AP3S1: variants seen among roughly 807,000 people sequenced by gnomAD.
AP3S1 encodes adaptor related protein complex 3 subunit sigma 1.
A neutral mutation model predicts 21.3 loss-of-function variants in AP3S1; 12 were observed. The ratio of observed to expected loss-of-function variants is 0.56; its 90% confidence interval spans 0.36 to 0.91. The LOEUF (loss-of-function observed/expected upper bound fraction) is 0.91, where lower values mean the gene tolerates loss of function less well. Among genes scored for constraint, AP3S1 ranks in the 40% least tolerant of loss-of-function variants. The pLI is 0.01. For synonymous variants in AP3S1, 48 were observed against 78.4 expected (o/e 0.61, Z 2.05); for missense variants, 116 against 225.0 (o/e 0.52, Z 3.10).
chr5:115,878,324 A>G (rs1748917991), intron 3 of AP3S1, among the ~76,000 whole-genome samples: 1 of 152,150 alleles, frequency 6.6e-6, no homozygotes, highest in Admixed American at 6.5e-5. Context: ...TAGGGTTTTT[A>G]TGGTTTTGGG....
intron 1 of AP3S1, among the ~76,000 whole-genome samples, chr5:115,858,938 A>T (rs939113809): frequency 1.1e-4 from 17 of 150,308 alleles, no homozygotes; most frequent in African/African-American, 3.7e-4. Context: ...AAATTTATTT[A>T]TTTTTTATTT....
rs2112609631 is a variant in AP3S1 at position 115,914,034 on chromosome 5, A to G, written c.*544A>G. On this transcript the variant is annotated 3_prime_UTR_variant, in exon 6 of 6. Coordinates refer to ENST00000316788, the MANE Select transcript of AP3S1 (RefSeq NM_001284.4). ...TACTTTAGCAATAATTTTTTTTACAACCCTCTGACTCAACAAAGTAAATAA... is the reference window on the plus strand; with the variant it reads ...TACTTTAGCAATAATTTTTTTTACAGCCCTCTGACTCAACAAAGTAAATAA... 1 of 115,868 alleles carries G rather than the reference A, an allele frequency of 8.6e-6. No homozygotes were observed. Among genetic ancestry groups the G allele is most frequent in the Admixed American group, 8.2e-5 (1 of 12,128 alleles). 7.2% of individuals were successfully genotyped at this position (115,868 alleles called of 1,614,324 possible). A position where few individuals can be genotyped will look rare whatever the true frequency, so the allele number is the denominator to read the frequency against.
chr5:115,859,667 T>A (rs1233206192), intron 1 of AP3S1, among the ~76,000 whole-genome samples: 1 of 152,034 alleles, frequency 6.6e-6, no homozygotes, highest in Non-Finnish European at 1.5e-5. Context: ...CAAGGGAGGG[T>A]GAAATTGTGT....
intron 1 of AP3S1, among the ~76,000 whole-genome samples, chr5:115,857,368 C>T (rs1411143401): frequency 1.3e-5 from 2 of 152,134 alleles, no homozygotes; most frequent in Non-Finnish European, 2.9e-5. Context: ...ACAACACCAC[C>T]ATGAGGTAGA....
At chr5:115,885,562 C>G (rs1299758979) in intron 3 of AP3S1, among the ~76,000 whole-genome samples, 1 of 152,192 alleles carries the variant, frequency 6.6e-6, no homozygotes, top group African/African-American at 2.4e-5. Flanking sequence ...CTGCTTTGTT[C>G]TAGCCACGCT....
chr5:115,873,445 AC>A (rs1748447040), intron 3 of AP3S1, among the ~76,000 whole-genome samples: 1 of 152,060 alleles, frequency 6.6e-6, no homozygotes, highest in Non-Finnish European at 1.5e-5. Flanking sequence ...TTTTTACAAT[AC>A]CCCTGAGTTA....
chr5:115,910,806 T>G (rs1409186985), intron 5 of AP3S1, among the ~76,000 whole-genome samples: 1 of 152,214 alleles, frequency 6.6e-6, no homozygotes, highest in Non-Finnish European at 1.5e-5. Flanking sequence ...TTGCATAATA[T>G]GATTTCTTTT....
chr5:115,883,637 C>G (rs1217910469), intron 3 of AP3S1, among the ~76,000 whole-genome samples: 2 of 152,186 alleles, frequency 1.3e-5, no homozygotes, highest in Non-Finnish European at 2.9e-5. Flanking sequence ...CAGACTGGAT[C>G]TGTTCCTATT....
intron 4 of AP3S1, among the ~76,000 whole-genome samples, chr5:115,897,476 A>G (rs748111675): frequency 4.6e-5 from 7 of 152,168 alleles, no homozygotes; most frequent in Non-Finnish European, 8.8e-5. Flanking sequence ...TTCAACTTAA[A>G]AATATAGATA....
intron 1 of AP3S1, among the ~76,000 whole-genome samples, chr5:115,864,016 A>AG (rs1370057152): frequency 6.6e-6 from 1 of 152,244 alleles, no homozygotes; most frequent in Non-Finnish European, 1.5e-5. Flanking sequence ...AAAGAAAAAA[A>AG]TCTACCACAA....
At chr5:115,909,102 A>T (rs918823888) in intron 5 of AP3S1, 1 of 431,680 alleles carries the variant, frequency 2.3e-6, no homozygotes, top group Admixed American at 6.4e-5. Flanking sequence ...AAAAAAAAAG[A>T]TATTTTAAGA....
At chr5:115,863,893 G>T (rs1763396452) in intron 1 of AP3S1, among the ~76,000 whole-genome samples, 1 of 152,206 alleles carries the variant, frequency 6.6e-6, no homozygotes, top group African/African-American at 2.4e-5. Flanking sequence ...GCCAGCTGTT[G>T]CTGACCAAGA....
chr5:115,902,797 C>T, intron 4 of AP3S1, 88 bp from the exon 5 acceptor site: 3 of 896,708 alleles, frequency 3.3e-6, no homozygotes, highest in Non-Finnish European at 4.9e-6. Context: ...TTAACATAGA[C>T]AAAGTGGTAT....
At chr5:115,871,170 C>T (rs78252365) in intron 3 of AP3S1, among the ~76,000 whole-genome samples, 4,868 of 152,206 alleles carry the variant, frequency 0.032, 282 homozygotes, top group African/African-American at 0.11. Context: ...TTTTCCAGGG[C>T]TGTTTGATAT....
intron 1 of AP3S1, among the ~76,000 whole-genome samples, chr5:115,851,660 G>T (rs932593453): frequency 6.6e-6 from 1 of 151,966 alleles, no homozygotes; most frequent in Non-Finnish European, 1.5e-5. Context: ...TTAATATTCA[G>T]TTGTTTGTTT....
chr5:115,884,906 A>T (rs1469256202), intron 3 of AP3S1, among the ~76,000 whole-genome samples: 1 of 152,202 alleles, frequency 6.6e-6, no homozygotes, highest in Admixed American at 6.5e-5. Flanking sequence ...TAACACACTG[A>T]TAGGAACACT....
At chr5:115,842,385 T>G in intron 1 of AP3S1, 10 of 334,732 alleles carry the variant, frequency 3.0e-5, no homozygotes, top group Admixed American at 5.2e-5. Context: ...CCCTGGAGAC[T>G]TCCCGGGGCC....
chr5:115,857,835 T>G (rs1193844199), intron 1 of AP3S1, among the ~76,000 whole-genome samples: 1 of 152,242 alleles, frequency 6.6e-6, no homozygotes, highest in Admixed American at 6.5e-5. Context: ...ATGTTTACGT[T>G]AATTTATTAT....
At chr5:115,878,747 G>A (rs546263796) in intron 3 of AP3S1, among the ~76,000 whole-genome samples, 1 of 152,282 alleles carries the variant, frequency 6.6e-6, no homozygotes, top group South Asian at 2.1e-4. Flanking sequence ...GTCAATGGTA[G>A]CTTGATGGGG....
Sources: allele counts gnomAD v4.1 joint callset (sites outside exome capture counted in the v4.1 genomes callset), GRCh38; gene constraint gnomAD v4.1.1; transcripts MANE v1.5; gene names NCBI Gene and HGNC (gene_info 2026-07-23, HGNC 2026-07-21).